CRB1: variants seen among roughly 807,000 people sequenced by gnomAD.
CRB1 encodes the protein protein crumbs homolog 1.
CRB1 carries 83 observed loss-of-function variants against 120.0 expected under a neutral mutation model. The observed-to-expected ratio is 0.69, with a 90% CI of 0.58 to 0.83. The LOEUF is 0.83. Among genes scored for constraint, CRB1 ranks in the 40% least tolerant of loss-of-function variants. The pLI is 0.00. For missense variants in CRB1, 1,699 were observed against 1,687.6 expected (o/e 1.01, Z -0.12); for synonymous variants, 625 against 612.5 (o/e 1.02, Z -0.30).
chr1:197,470,205 CAAGG>C (rs966975026), intron 11 of CRB1, among the ~76,000 whole-genome samples: 3 of 152,118 alleles, frequency 2.0e-5, no homozygotes, highest in African/African-American at 7.2e-5. Context: ...CAATTGGGAA[CAAGG>C]AAGGCAAATA....
At chr1:197,268,582 G>C in intron 1 of CRB1, 100 bp downstream of exon 1, 1 of 955,096 alleles carries the variant, frequency 1.0e-6, no homozygotes, top group Non-Finnish European at 1.7e-6. Context: ...AAAATACAAT[G>C]CTAAAAAAGG....
chr1:197,203,070 A>G, the CRB1 span, among the ~76,000 whole-genome samples: 1 of 152,192 alleles, frequency 6.6e-6, no homozygotes. Flanking sequence ...GCATTTAAAA[A>G]TAAACGTGTA....
the CRB1 span, among the ~76,000 whole-genome samples, chr1:197,254,945 G>T: frequency 2.0e-5 from 3 of 151,938 alleles, no homozygotes; most frequent in Admixed American, 2.0e-4. Flanking sequence ...TTTTTTTCAT[G>T]TGCCACCATG....
At chr1:197,435,665 C>T (rs1665124454) in intron 9 of CRB1, 53 bp downstream of exon 9, 1 of 1,471,290 alleles carries the variant, frequency 6.8e-7, no homozygotes, top group African/African-American at 1.4e-5. Flanking sequence ...CTCTGCATCA[C>T]TGTTCTTGTC....
intron 11 of CRB1, among the ~76,000 whole-genome samples, chr1:197,446,277 G>T (rs1665697932): frequency 6.6e-6 from 1 of 152,126 alleles, no homozygotes; most frequent in Non-Finnish European, 1.5e-5. Context: ...ATATAAGAGA[G>T]GCATTTTGTC....
chr1:197,454,237 C>T (rs1666171601), intron 11 of CRB1, among the ~76,000 whole-genome samples: 1 of 150,308 alleles, frequency 6.7e-6, no homozygotes, highest in Admixed American at 6.7e-5. Flanking sequence ...TTAGCAGAAT[C>T]TTATGTAAAA....
intron 5 of CRB1, among the ~76,000 whole-genome samples, chr1:197,404,204 C>CA (rs1308679510): frequency 6.6e-6 from 1 of 152,084 alleles, no homozygotes; most frequent in Non-Finnish European, 1.5e-5. Flanking sequence ...ACTGAGTGAC[C>CA]ATCAGCTGGC....
chr1:197,263,626 T>A (rs1354344931), upstream of CRB1, among the ~76,000 whole-genome samples: 2 of 152,242 alleles, frequency 1.3e-5, no homozygotes, highest in East Asian at 3.9e-4. Context: ...ATTGGAGAAA[T>A]CATATTTTTT....
At chr1:197,357,036 T>A in intron 5 of CRB1, 23 bp downstream of exon 5, 1 of 1,612,552 alleles carries the variant, frequency 6.2e-7, no homozygotes, top group Non-Finnish European at 8.5e-7. Flanking sequence ...AGATGGGATA[T>A]GACTTGACTT....
At chr1:197,401,915 T>A (rs556179309) in intron 5 of CRB1, among the ~76,000 whole-genome samples, 3 of 152,130 alleles carry the variant, frequency 2.0e-5, no homozygotes, top group African/African-American at 7.2e-5. Flanking sequence ...TCTTTTGGCA[T>A]TTATTTGTAT....
chr1:197,388,387 A>G (rs1222791590), intron 5 of CRB1, among the ~76,000 whole-genome samples: 2 of 152,088 alleles, frequency 1.3e-5, no homozygotes, highest in South Asian at 2.1e-4. Context: ...CTAAGAAAAA[A>G]AACTCAATTT....
At chr1:197,415,641 C>CTTT (rs55654070) in intron 5 of CRB1, among the ~76,000 whole-genome samples, 12 of 94,006 alleles carry the variant, frequency 1.3e-4, no homozygotes, top group African/African-American at 2.2e-4. Context: ...TTTTTCTTTT[C>CTTT]TTTTTTTTTT....
At chr1:197,265,042 G>A (rs1285440267), upstream of CRB1, among the ~76,000 whole-genome samples, 2 of 152,072 alleles carry the variant, frequency 1.3e-5, no homozygotes, top group African/African-American at 4.8e-5. Flanking sequence ...CCATTATCAT[G>A]AATCTTTTGA....
chr1:197,263,191 T>C, the CRB1 span, among the ~76,000 whole-genome samples: 1 of 152,174 alleles, frequency 6.6e-6, no homozygotes, highest in Non-Finnish European at 1.5e-5. Context: ...CCAGCATCTG[T>C]TGTTTTTTGA....
chr1:197,219,410 G>C, the CRB1 span, among the ~76,000 whole-genome samples: 2 of 151,986 alleles, frequency 1.3e-5, no homozygotes, highest in East Asian at 3.9e-4. Flanking sequence ...TGAAAAATAG[G>C]GCTGATAGTA....
At chr1:197,457,292 G>A (rs553594709) in intron 11 of CRB1, among the ~76,000 whole-genome samples, 1 of 152,084 alleles carries the variant, frequency 6.6e-6, no homozygotes. Context: ...GTCATTATAA[G>A]CATTATTTTA....
chr1:197,288,341 T>C (rs1347975791), intron 1 of CRB1, among the ~76,000 whole-genome samples: 1 of 151,856 alleles, frequency 6.6e-6, no homozygotes, highest in East Asian at 1.9e-4. Context: ...GGTAGGATAT[T>C]GCTTCGGTAG....
At chr1:197,294,490 C>A (rs960431693) in intron 1 of CRB1, among the ~76,000 whole-genome samples, 3 of 152,132 alleles carry the variant, frequency 2.0e-5, no homozygotes, top group African/African-American at 7.2e-5. Context: ...TTGTGGAAGA[C>A]AGTGTGGAAA....
Position 197,429,499 on chromosome 1 carries a change from CTCCTGT to C in CRB1, c.2734_2739del (p.Ser912_Cys913del). 1 of 1,613,988 alleles carries C rather than the reference CTCCTGT, an allele frequency of 6.2e-7. No homozygotes were observed. The highest frequency in any genetic ancestry group is 8.5e-7 in the Non-Finnish European group (1 of 1,179,956). ...TTTGCCATTCCCGGTGGGATGACTTCTCCTGTTCCTGTCCTGCCCTCACAAGTGGGA... is the reference window on the plus strand; with the variant it reads ...TTTGCCATTCCCGGTGGGATGACTTCTCCTGTCCTGCCCTCACAAGTGGGA... On this transcript the variant is annotated inframe_deletion, in exon 8 of 12. Coordinates refer to ENST00000367400, the MANE Select transcript of CRB1 (RefSeq NM_201253.3).
Sources: gnomAD v4.1 joint callset for allele counts (sites outside exome capture counted in the v4.1 genomes callset) on GRCh38, gnomAD v4.1.1 for gene constraint, MANE v1.5 for transcripts, NCBI Gene and HGNC (gene_info 2026-07-23, HGNC 2026-07-21) for gene names.